ATP10B: variants seen among roughly 807,000 people sequenced by gnomAD.
ATP10B encodes the protein phospholipid-transporting ATPase VB.
In ATP10B, 122 loss-of-function variants were observed where a neutral mutation model predicts 141.2. The ratio of observed to expected loss-of-function variants is 0.86; its 90% CI spans 0.75 to 1.00. The LOEUF (loss-of-function observed/expected upper bound fraction) is 1.00, where lower values mean the gene tolerates loss of function less well. Ranked by LOEUF, ATP10B falls within the 50% of genes least tolerant of loss-of-function variation. The pLI is 0.00. For synonymous variants in ATP10B, 685 were observed against 692.0 expected, an observed-to-expected ratio of 0.99 and a Z score of 0.16; for missense variants, 1,876 against 1,825.3, an observed-to-expected ratio of 1.03 and a Z score of -0.51.
chr5:160,815,981 C>A lies in ATP10B; in HGVS notation c.-575-30178G>T, dbSNP rs531512688. Among the ~76,000 whole-genome samples, 1,052 of 151,812 alleles carry A rather than the reference C, an allele frequency of 6.9e-3. 18 individuals carry two copies. Among genetic ancestry groups the A allele is most frequent in the African/African-American group, 0.024 (991 of 41,442 alleles). ...GAAACCAGTGAGAACAAAGACACAA[C>A]ATACCAGAATCTCTGGGACACATTT... On this transcript the variant is annotated intron_variant, in intron 1 of 25. Transcript: ENST00000327245.
intron 1 of ATP10B, among the ~76,000 whole-genome samples, chr5:160,850,629 C>A (rs952661727): frequency 2.0e-5 from 3 of 152,154 alleles, no homozygotes; most frequent in Non-Finnish European, 4.4e-5. Context: ...CTGGACTTAT[C>A]AGTATCACAT....
chr5:160,891,187 G>A, the ATP10B span, among the ~76,000 whole-genome samples: 1,933 of 152,258 alleles, frequency 0.013, 23 homozygotes, highest in Non-Finnish European at 0.022. Context: ...AGTTGCTGAG[G>A]TTTGCTTCTT....
intron 1 of ATP10B, among the ~76,000 whole-genome samples, chr5:160,834,565 G>T (rs1581626374): frequency 6.6e-6 from 1 of 152,126 alleles, no homozygotes; most frequent in South Asian, 2.1e-4. Flanking sequence ...GCTATTGATG[G>T]AGATAAATAT....
At chr5:160,662,486 A>G (rs1020263960) in intron 7 of ATP10B, among the ~76,000 whole-genome samples, 13 of 152,220 alleles carry the variant, frequency 8.5e-5, no homozygotes, top group African/African-American at 3.1e-4. Flanking sequence ...CTCAGAAATA[A>G]TGCCACATAT....
rs115468173 is a variant in ATP10B at position 160,718,117 on chromosome 5, G to T, written c.-330-1083C>A. Among the ~76,000 whole-genome samples, 926 of 152,340 alleles carry T rather than the reference G, an allele frequency of 6.1e-3. 11 individuals are homozygous for T. Among genetic ancestry groups the T allele is most frequent in the African/African-American group, 0.02 (823 of 41,578 alleles). On this transcript the variant is annotated intron_variant, in intron 2 of 25. Coordinates refer to ENST00000327245, the MANE Select transcript of ATP10B (RefSeq NM_025153.3). ...CTGCTTAAGCATTTTGTTATTCATG[G>T]TCTTGCCTCTGCAGGGCAGAAAGCA...
chr5:160,735,762 A>T (rs1688876648), intron 2 of ATP10B, among the ~76,000 whole-genome samples: 1 of 152,194 alleles, frequency 6.6e-6, no homozygotes, highest in South Asian at 2.1e-4. Flanking sequence ...ACAAGTCTTA[A>T]AATATGCAAA....
intron 5 of ATP10B, 130 bp from the exon 6 acceptor site, chr5:160,686,403 TA>T: frequency 7.7e-6 from 5 of 645,422 alleles, no homozygotes; most frequent in Non-Finnish European, 9.9e-6. Context: ...AACATTATGG[TA>T]ATGGATTTGA....
chr5:160,835,559 C>T (rs976752278), intron 1 of ATP10B, among the ~76,000 whole-genome samples: 5 of 152,124 alleles, frequency 3.3e-5, no homozygotes, highest in African/African-American at 7.2e-5. Flanking sequence ...TTCTCTCTCA[C>T]CTCAGGGGTT....
intron 1 of ATP10B, among the ~76,000 whole-genome samples, chr5:160,828,186 C>A (rs867935321): frequency 2.6e-5 from 4 of 152,154 alleles, no homozygotes; most frequent in African/African-American, 9.6e-5. Flanking sequence ...AAAGCAATGG[C>A]AACAGAAGCC....
At chr5:160,653,639 C>T (rs534793933) in intron 7 of ATP10B, among the ~76,000 whole-genome samples, 2 of 70,642 alleles carry the variant, frequency 2.8e-5, no homozygotes, top group Non-Finnish European at 5.0e-5. Flanking sequence ...TACATATATA[C>T]ATATATATTA....
chr5:160,581,353 C>T (rs1297743049), intron 24 of ATP10B, among the ~76,000 whole-genome samples: 2 of 152,026 alleles, frequency 1.3e-5, no homozygotes, highest in Admixed American at 6.6e-5. Context: ...ATTGTGTCTT[C>T]GTTCTCACTG....
intron 2 of ATP10B, among the ~76,000 whole-genome samples, chr5:160,757,826 G>C (rs368036967): frequency 6.6e-6 from 1 of 152,170 alleles, no homozygotes; most frequent in Non-Finnish European, 1.5e-5. Context: ...AGAACTATTC[G>C]CATTTTAGGC....
At chr5:160,643,406 T>G (rs889983702) in intron 9 of ATP10B, among the ~76,000 whole-genome samples, 1 of 152,290 alleles carries the variant, frequency 6.6e-6, no homozygotes, top group African/African-American at 2.4e-5. Context: ...TTTCCTCTGT[T>G]GTGGCTGAAG....
the ATP10B span, among the ~76,000 whole-genome samples, chr5:160,903,158 C>T: frequency 3.3e-5 from 5 of 152,168 alleles, no homozygotes; most frequent in Non-Finnish European, 5.9e-5. Context: ...AGCTTATAGA[C>T]AGAGAAGCTG....
chr5:160,798,588 C>G (rs936807838), intron 1 of ATP10B, among the ~76,000 whole-genome samples: 2 of 152,008 alleles, frequency 1.3e-5, no homozygotes, highest in African/African-American at 4.8e-5. Flanking sequence ...CTAGACCCTT[C>G]GAAGAGAGAA....
At chr5:160,629,933 T>C (rs1172281775) in intron 13 of ATP10B, among the ~76,000 whole-genome samples, 2 of 152,184 alleles carry the variant, frequency 1.3e-5, no homozygotes, top group Non-Finnish European at 2.9e-5. Flanking sequence ...GTAAGTAAAG[T>C]ATTTTCAGGT....
At chr5:160,620,311 T>C in intron 15 of ATP10B, 36 bp downstream of exon 15, 1 of 1,566,616 alleles carries the variant, frequency 6.4e-7, no homozygotes, top group Non-Finnish European at 8.6e-7. Flanking sequence ...ACTATAGAAC[T>C]CTCTGTGCCT....
Position 160,620,575 on chromosome 5 carries a change from C to T in ATP10B, c.2188G>A (p.Ala730Thr), listed in dbSNP as rs1012149434. Reference protein sequence around the residue: ...ESPDEAALVHAAHAYSFTLVS... With the variant: ...ESPDEAALVHTAHAYSFTLVS... ...AGTGTGAAGCTGTAGGCATGGGCAGCGTGCACCAGGGCGGCCTCATCAGGG... is the reference window on the plus strand; with the variant it reads ...AGTGTGAAGCTGTAGGCATGGGCAGTGTGCACCAGGGCGGCCTCATCAGGG... The change falls in exon 15 of 26, where the codon GCT becomes ACT. Residue 730 changes from alanine (A) to threonine (T), a missense_variant. Transcript: ENST00000327245. 1.9e-5 allele frequency: 31 copies of T among 1,613,588 alleles called. No individual in the cohort carries two copies. Among genetic ancestry groups the T allele is most frequent in the East Asian group, 2.2e-5 (1 of 44,892 alleles).
At chr5:160,619,968 T>A (rs1758232075) in intron 15 of ATP10B, among the ~76,000 whole-genome samples, 1 of 152,148 alleles carries the variant, frequency 6.6e-6, no homozygotes, top group South Asian at 2.1e-4. Flanking sequence ...CTAAGTTGAG[T>A]GTGCTTTTCT....
Sources: gnomAD v4.1 joint callset for allele counts (sites outside exome capture counted in the v4.1 genomes callset) on GRCh38, gnomAD v4.1.1 for gene constraint, MANE v1.5 for transcripts, NCBI Gene and HGNC (gene_info 2026-07-23, HGNC 2026-07-21) for gene names.